REPS1: variants seen among roughly 807,000 people sequenced by gnomAD.
REPS1 encodes the protein ralBP1-associated Eps domain-containing protein 1.
In REPS1, 39 loss-of-function variants were observed where a neutral mutation model predicts 100.9. The observed-to-expected ratio is 0.39, with a 90% CI of 0.30 to 0.50. The LOEUF (loss-of-function observed/expected upper bound fraction) is 0.50, where lower values mean the gene tolerates loss of function less well. Ranked by LOEUF, REPS1 falls within the 20% of genes least tolerant of loss-of-function variation. The probability of loss-of-function intolerance (pLI) is 0.86; values close to 1 mark genes in which losing one functional copy is unlikely to be tolerated. For synonymous variants in REPS1, 324 were observed against 340.3 expected (o/e 0.95, Z 0.53); for missense variants, 821 against 968.5 (o/e 0.85, Z 2.02).
Position 138,912,488 on chromosome 6 carries a change from T to C in REPS1, c.1971+277A>G, listed in dbSNP as rs552573306. Among the ~76,000 whole-genome samples the C allele has an allele frequency of 4.1e-3, 617 of 152,258 alleles. 6 individuals are homozygous for C. The highest frequency in any genetic ancestry group is 0.014 in the African/African-American group (572 of 41,550). On this transcript the variant is annotated intron_variant, in intron 16 of 19. Coordinates refer to ENST00000450536, the MANE Select transcript of REPS1 (RefSeq NM_001286611.2). Reference sequence around the variant, plus strand: ...TCACCAAATCACACAGACAGATGCTTAGCATTAAGATGGAAACCCCCAAAG... The same window carrying C: ...TCACCAAATCACACAGACAGATGCTCAGCATTAAGATGGAAACCCCCAAAG...
intron 8 of REPS1, among the ~76,000 whole-genome samples, chr6:138,939,484 T>C (rs890464347): frequency 3.0e-4 from 45 of 152,320 alleles, no homozygotes; most frequent in Non-Finnish European, 1.5e-5. Context: ...TTGTTTTTTA[T>C]TTAAATTAAA....
chr6:138,919,782 A>G (rs1482186228), intron 12 of REPS1, among the ~76,000 whole-genome samples: 1 of 152,174 alleles, frequency 6.6e-6, no homozygotes, highest in African/African-American at 2.4e-5. Flanking sequence ...AGTATTAGTT[A>G]CTTTCTAATA....
intron 12 of REPS1, among the ~76,000 whole-genome samples, chr6:138,918,789 A>C (rs904330701): frequency 1.4e-4 from 21 of 152,200 alleles, no homozygotes; most frequent in Admixed American, 7.2e-4. Flanking sequence ...ATTTATTTTC[A>C]ATTTCCTCAA....
chr6:138,952,400 C>CT (rs1172985298), intron 1 of REPS1, among the ~76,000 whole-genome samples: 46 of 146,192 alleles, frequency 3.1e-4, no homozygotes, highest in African/African-American at 5.3e-4. Context: ...ATTTTTTTTT[C>CT]TTTTTTTTTT....
At chr6:138,948,585 A>C (rs968471999) in intron 1 of REPS1, among the ~76,000 whole-genome samples, 3 of 152,214 alleles carry the variant, frequency 2.0e-5, no homozygotes, top group African/African-American at 7.2e-5. Flanking sequence ...TTGCTAGCAC[A>C]AGTAAATATT....
intron 8 of REPS1, among the ~76,000 whole-genome samples, chr6:138,939,037 G>A (rs1782054708): frequency 6.6e-6 from 1 of 151,566 alleles, no homozygotes; most frequent in Admixed American, 6.6e-5. Context: ...TGATTTTTAT[G>A]GATACTGACG....
chr6:138,977,299 C>T (rs1234346659), intron 1 of REPS1, among the ~76,000 whole-genome samples: 4 of 152,126 alleles, frequency 2.6e-5, no homozygotes, highest in African/African-American at 9.7e-5. Flanking sequence ...TAAATGTAAC[C>T]ACACAATATG....
At chr6:138,953,723 G>A (rs1216311107) in intron 1 of REPS1, among the ~76,000 whole-genome samples, 1 of 150,918 alleles carries the variant, frequency 6.6e-6, no homozygotes, top group Non-Finnish European at 1.5e-5. Flanking sequence ...CAGAAAAAAG[G>A]GAACTCATAT....
intron 10 of REPS1, 78 bp downstream of exon 10, chr6:138,926,323 T>G: frequency 9.5e-7 from 1 of 1,055,400 alleles, no homozygotes; most frequent in Admixed American, 2.0e-5. Flanking sequence ...ATCATGCATA[T>G]CAGCTAAAAA....
intron 15 of REPS1, 51 bp downstream of exon 15, chr6:138,914,646 G>T: frequency 7.2e-7 from 1 of 1,389,488 alleles, no homozygotes; most frequent in Non-Finnish European, 1.0e-6. Flanking sequence ...TAAATACCTA[G>T]CAGGCAAAGT....
chr6:138,913,843 C>A (rs1344047633), intron 15 of REPS1, among the ~76,000 whole-genome samples: 1 of 152,176 alleles, frequency 6.6e-6, no homozygotes, highest in African/African-American at 2.4e-5. Flanking sequence ...TTTGGAATAC[C>A]TTTTCCCCAA....
chr6:138,964,828 A>T (rs899804669), intron 1 of REPS1, among the ~76,000 whole-genome samples: 1 of 152,094 alleles, frequency 6.6e-6, no homozygotes, highest in South Asian at 2.1e-4. Flanking sequence ...ATTTTCATAG[A>T]CATTCATCAA....
At chr6:138,953,945 G>A (rs1783206019) in intron 1 of REPS1, among the ~76,000 whole-genome samples, 1 of 152,122 alleles carries the variant, frequency 6.6e-6, no homozygotes, top group Admixed American at 6.5e-5. Flanking sequence ...TAACCCAGGT[G>A]TCCAACAACA....
chr6:138,962,930 G>A (rs780707721), intron 1 of REPS1, among the ~76,000 whole-genome samples: 1 of 152,110 alleles, frequency 6.6e-6, no homozygotes, highest in Non-Finnish European at 1.5e-5. Context: ...CAGGCTACAA[G>A]ATTAACAGTC....
rs114878075 is a variant in REPS1 at position 138,907,895 on chromosome 6, T to G, written c.2217-295A>C. Among the ~76,000 whole-genome samples the G allele has an allele frequency of 2.0e-5, 3 of 152,258 alleles. No homozygotes were observed. The East Asian group carries it at 5.8e-4, about 29-fold the overall frequency. On this transcript the variant is annotated intron_variant, in intron 18 of 19. Transcript: ENST00000450536. The stretch of plus-strand genomic sequence containing the variant: ...CAAACCTTTTCTGTAAAAAACCAGA[T>G]AGTAAATAATTTCAGGCTTTGTGGG...
At chr6:138,980,938 C>G (rs562350791) in intron 1 of REPS1, among the ~76,000 whole-genome samples, 86 of 152,302 alleles carry the variant, frequency 5.6e-4, no homozygotes, top group Admixed American at 5.6e-3. Flanking sequence ...ATACAAAGAA[C>G]AGCCACAAAG....
chr6:138,914,673 G>C, intron 15 of REPS1, 24 bp downstream of exon 15: 3 of 1,587,276 alleles, frequency 1.9e-6, no homozygotes, highest in Non-Finnish European at 2.6e-6. Flanking sequence ...GGGACATTTA[G>C]TAATAAATAC....
At chr6:138,916,218 CTTT>C (rs10582137) in intron 13 of REPS1, 5,180 of 204,238 alleles carry the variant, frequency 0.025, 1 homozygote, top group South Asian at 0.032. Context: ...TTCTTTTTTT[CTTT>C]TTTTTTTTTT....
chr6:138,955,457 A>AATGTGTGTGTGT (rs10689184), intron 1 of REPS1, among the ~76,000 whole-genome samples: 8 of 90,720 alleles, frequency 8.8e-5, no homozygotes, highest in African/African-American at 4.1e-4. Context: ...AAAAAAAAAA[A>AATGTGTGTGTGT]GTGTGTGTGT....
Sources: gnomAD v4.1 joint callset for allele counts (sites outside exome capture counted in the v4.1 genomes callset) on GRCh38, gnomAD v4.1.1 for gene constraint, MANE v1.5 for transcripts, NCBI Gene and HGNC (gene_info 2026-07-23, HGNC 2026-07-21) for gene names.